SEMA5A: variants seen among roughly 807,000 people sequenced by gnomAD.
SEMA5A encodes the protein semaphorin-5A.
A neutral mutation model predicts 135.5 loss-of-function variants in SEMA5A; 55 were observed. That is an observed-to-expected ratio of 0.41 (90% CI 0.33 to 0.51). The LOEUF (loss-of-function observed/expected upper bound fraction) is 0.51. SEMA5A is among the 20% of genes least tolerant of loss of function. The pLI is 0.37. For synonymous variants in SEMA5A, 580 were observed against 546.5 expected, an observed-to-expected ratio of 1.06 and a Z score of -0.85; for missense variants, 1,290 against 1,419.9, an observed-to-expected ratio of 0.91 and a Z score of 1.47.
At chr5:9,052,861 G>T (rs549493295) in intron 19 of SEMA5A, among the ~76,000 whole-genome samples, 2 of 151,978 alleles carry the variant, frequency 1.3e-5, no homozygotes, top group African/African-American at 2.4e-5. Context: ...AGGATAAAAA[G>T]GTATTTTTCT....
chr5:9,406,577 T>A (rs573464954), intron 2 of SEMA5A, among the ~76,000 whole-genome samples: 1 of 152,208 alleles, frequency 6.6e-6, no homozygotes, highest in Non-Finnish European at 1.5e-5. Context: ...GCCTTAAATA[T>A]TTATTGGATA....
chr5:9,255,537 A>C (rs1177516217), intron 5 of SEMA5A, among the ~76,000 whole-genome samples: 1 of 152,150 alleles, frequency 6.6e-6, no homozygotes, highest in Non-Finnish European at 1.5e-5. Flanking sequence ...ATAGCATTTG[A>C]CAATCTAAGC....
At chr5:9,112,177 C>T (rs890287033) in intron 15 of SEMA5A, among the ~76,000 whole-genome samples, 2 of 152,160 alleles carry the variant, frequency 1.3e-5, no homozygotes, top group Non-Finnish European at 2.9e-5. Flanking sequence ...TGCTTATTCT[C>T]ATTTTGTATT....
intron 11 of SEMA5A, among the ~76,000 whole-genome samples, chr5:9,171,229 G>A (rs952396968): frequency 2.0e-5 from 3 of 152,134 alleles, no homozygotes; most frequent in Admixed American, 2.0e-4. Flanking sequence ...GTGTTTGACA[G>A]TGAGAGAAAT....
chr5:9,060,118 C>T (rs905040052), intron 18 of SEMA5A, among the ~76,000 whole-genome samples: 2 of 152,190 alleles, frequency 1.3e-5, no homozygotes, highest in Admixed American at 6.5e-5. Flanking sequence ...AAGCACCACT[C>T]AGCCCTGACT....
intron 10 of SEMA5A, among the ~76,000 whole-genome samples, chr5:9,192,885 T>A (rs1020492832): frequency 1.3e-5 from 2 of 151,948 alleles, no homozygotes; most frequent in African/African-American, 4.8e-5. Context: ...AAAATTGGTA[T>A]CTTGAAAACC....
chr5:9,084,926 G>T (rs1387193991), intron 16 of SEMA5A, among the ~76,000 whole-genome samples: 1 of 152,168 alleles, frequency 6.6e-6, no homozygotes, highest in Admixed American at 6.6e-5. Flanking sequence ...TAAGGTCCAG[G>T]CTGAGGTGGT....
At chr5:9,521,205 T>C (rs576804432) in intron 1 of SEMA5A, among the ~76,000 whole-genome samples, 1 of 152,058 alleles carries the variant, frequency 6.6e-6, no homozygotes, top group Non-Finnish European at 1.5e-5. Flanking sequence ...AGGTCAGGAG[T>C]TCGAGACCAG....
At chr5:9,108,406 G>T in intron 15 of SEMA5A, 119 bp from the exon 16 acceptor site, 1 of 1,181,060 alleles carries the variant, frequency 8.5e-7, no homozygotes, top group Non-Finnish European at 1.2e-6. Context: ...GCGTGGAGGA[G>T]CTTTTTGTAT....
At chr5:9,534,753 G>A (rs1737661973) in intron 1 of SEMA5A, among the ~76,000 whole-genome samples, 1 of 152,180 alleles carries the variant, frequency 6.6e-6, no homozygotes, top group African/African-American at 2.4e-5. Flanking sequence ...ATGGGGCGGG[G>A]GTTGTTTAGA....
chr5:9,366,384 A>G (rs1475800413), intron 3 of SEMA5A, among the ~76,000 whole-genome samples: 1 of 151,728 alleles, frequency 6.6e-6, no homozygotes, highest in Non-Finnish European at 1.5e-5. Flanking sequence ...CTCCTGCAAT[A>G]AAGAATTCTT....
At chr5:9,541,238 G>T (rs1210754757) in intron 1 of SEMA5A, among the ~76,000 whole-genome samples, 1 of 152,096 alleles carries the variant, frequency 6.6e-6, no homozygotes, top group Non-Finnish European at 1.5e-5. Flanking sequence ...TCACTCTACT[G>T]GTTATTTATC....
At chr5:9,214,562 G>A (rs923354873) in intron 8 of SEMA5A, among the ~76,000 whole-genome samples, 12 of 152,200 alleles carry the variant, frequency 7.9e-5, no homozygotes, top group African/African-American at 2.7e-4. Flanking sequence ...GCAAGATGTG[G>A]TGGGAAGGTT....
chr5:9,295,768 C>T (rs1312939904), intron 5 of SEMA5A, among the ~76,000 whole-genome samples: 1 of 152,080 alleles, frequency 6.6e-6, no homozygotes, highest in Non-Finnish European at 1.5e-5. Flanking sequence ...GAGCTCTTAC[C>T]ATAAAGCTGG....
intron 1 of SEMA5A, among the ~76,000 whole-genome samples, chr5:9,442,203 C>G (rs1758262539): frequency 6.6e-6 from 1 of 152,218 alleles, no homozygotes; most frequent in African/African-American, 2.4e-5. Flanking sequence ...CACAGATAGT[C>G]TAGGCTAACC....
chr5:9,209,281 CCT>C (rs1466490940), intron 8 of SEMA5A, among the ~76,000 whole-genome samples: 1 of 152,084 alleles, frequency 6.6e-6, no homozygotes, highest in East Asian at 1.9e-4. Context: ...AGCACATAGC[CCT>C]CTCTTATAAA....
At chr5:9,337,685 T>C (rs1340277887) in intron 4 of SEMA5A, 28 bp downstream of exon 4, 4 of 1,511,288 alleles carry the variant, frequency 2.6e-6, no homozygotes, top group African/African-American at 2.7e-5. Context: ...CAAAAATATC[T>C]GTGGTGGCAA....
At chr5:9,171,611 A>G (rs1031286418) in intron 11 of SEMA5A, among the ~76,000 whole-genome samples, 2 of 152,158 alleles carry the variant, frequency 1.3e-5, no homozygotes, top group Admixed American at 6.5e-5. Context: ...AGATTTATTT[A>G]TGATCTATGA....
intron 2 of SEMA5A, among the ~76,000 whole-genome samples, chr5:9,401,692 T>C (rs1454587476): frequency 6.6e-6 from 1 of 152,228 alleles, no homozygotes; most frequent in Non-Finnish European, 1.5e-5. Context: ...CCTTGACCAC[T>C]AGGCAAGACT....
Sources: gnomAD v4.1 joint callset for allele counts (sites outside exome capture counted in the v4.1 genomes callset) on GRCh38, gnomAD v4.1.1 for gene constraint, MANE v1.5 for transcripts, NCBI Gene and HGNC (gene_info 2026-07-23, HGNC 2026-07-21) for gene names.